Variants in PLA2G5 observed in about 807,000 individuals in gnomAD.
The protein encoded by PLA2G5 is Ca2+-dependent phospholipase A2.
A neutral mutation model predicts 15.9 loss-of-function variants in PLA2G5; 12 were observed. The ratio of observed to expected loss-of-function variants is 0.76; its 90% CI spans 0.48 to 1.23. PLA2G5 has a LOEUF of 1.23. PLA2G5 is among the 50% of genes most tolerant of loss of function. The pLI is 0.00. For missense variants in PLA2G5, 169 were observed against 177.1 expected, an observed-to-expected ratio of 0.95 and a Z score of 0.26; for synonymous variants, 71 against 71.4, an observed-to-expected ratio of 0.99 and a Z score of 0.03.
intron 1 of PLA2G5, among the ~76,000 whole-genome samples, chr1:20,049,999 A>G (rs2014103751): frequency 6.6e-6 from 1 of 152,214 alleles, no homozygotes; most frequent in Non-Finnish European, 1.5e-5. Context: ...TTCTTCCAAC[A>G]TAATATCCTG....
rs667147 is a variant in PLA2G5 at position 20,070,557 on chromosome 1, C to A, written c.-11+92C>A. 2,454 of 778,726 alleles carry A rather than the reference C, an allele frequency of 3.2e-3. 45 individuals carry two copies. The African/African-American group carries it at 0.043, about 14-fold the overall frequency. 48.2% of individuals were successfully genotyped at this position (778,726 alleles called of 1,614,324 possible). A position where few individuals can be genotyped will look rare whatever the true frequency, so the allele number is the denominator to read the frequency against. ...TGGAGAAGGGGGTGTGTGGAGAGCC[C>A]AAGAGGAGGCCCAGGGGGAGGTGCG... On this transcript the variant is annotated intron_variant, in intron 1 of 4. Coordinates refer to ENST00000375108, the MANE Select transcript of PLA2G5 (RefSeq NM_000929.3).
upstream of PLA2G5, among the ~76,000 whole-genome samples, chr1:20,065,501 T>C (rs1320032199): frequency 6.6e-6 from 1 of 152,216 alleles, no homozygotes; most frequent in Non-Finnish European, 1.5e-5. Flanking sequence ...CAGAATGTCA[T>C]ATAGCTGGAG....
rs114045208 is a variant in PLA2G5 at position 20,042,190 on chromosome 1, C to A, written n.276+13481C>A. 5.0e-3 allele frequency among the ~76,000 whole-genome samples: 755 copies of A among 152,194 alleles called. 8 individuals carry two copies. Among genetic ancestry groups the A allele is most frequent in the African/African-American group, 0.017 (709 of 41,508 alleles). Reference sequence around the variant, plus strand: ...CTTGCTGAGAGGTAGTGGATGGGGACAGAATGGTAGCCTCAATGATAGATG... The same window carrying A: ...CTTGCTGAGAGGTAGTGGATGGGGAAAGAATGGTAGCCTCAATGATAGATG... On this transcript the variant is annotated intron_variant and non_coding_transcript_variant, in intron 1 of 6. Transcript: ENST00000460175.
chr1:20,075,428 T>G (rs2015613357), intron 1 of PLA2G5, among the ~76,000 whole-genome samples: 1 of 152,246 alleles, frequency 6.6e-6, no homozygotes, highest in South Asian at 2.1e-4. Context: ...TATTGAGACC[T>G]TACTATGTGC....
chr1:20,044,643 CTT>C lies in PLA2G5; in HGVS notation n.277-14987_277-14986del, dbSNP rs547528781. ...ACTATGCCTTTAGCTCCAGCCACCT[CTT>C]TAAGAGGAAATTGTTGGGCAGGTGG... is the stretch of plus-strand genomic sequence containing the variant. On this transcript the variant is annotated intron_variant and non_coding_transcript_variant, in intron 1 of 6. Coordinates refer to the PLA2G5 transcript ENST00000460175. Among the ~76,000 whole-genome samples, 38 of 152,152 alleles carry C rather than the reference CTT, an allele frequency of 2.5e-4. No homozygotes were observed. In the South Asian group the frequency reaches 6.4e-3, roughly 26 times the overall value.
intron 1 of PLA2G5, among the ~76,000 whole-genome samples, chr1:20,077,687 G>C (rs1305920324): frequency 2.6e-5 from 4 of 152,124 alleles, no homozygotes; most frequent in Non-Finnish European, 5.9e-5. Context: ...AAGTGAGTCT[G>C]GTTCTATGAT....
At chr1:20,080,233 A>T (rs1377598721) in intron 1 of PLA2G5, among the ~76,000 whole-genome samples, 1 of 152,064 alleles carries the variant, frequency 6.6e-6, no homozygotes. Context: ...CCCTGGATCG[A>T]GGGTGGCCCA....
chr1:20,031,327 G>A (rs1171041163), intron 1 of PLA2G5, among the ~76,000 whole-genome samples: 2 of 152,150 alleles, frequency 1.3e-5, no homozygotes, highest in African/African-American at 2.4e-5. Context: ...TGATTTAAGA[G>A]GTAATGTATG....
intron 1 of PLA2G5, among the ~76,000 whole-genome samples, chr1:20,043,214 A>C (rs1220156583): frequency 6.6e-6 from 1 of 152,144 alleles, no homozygotes; most frequent in Non-Finnish European, 1.5e-5. Context: ...TATTGAGGAC[A>C]AAAGAGTGTA....
intron 1 of PLA2G5, among the ~76,000 whole-genome samples, chr1:20,081,510 C>T (rs11573250): frequency 0.013 from 1,961 of 151,966 alleles, 95 homozygotes; most frequent in African/African-American, 0.044. Context: ...CGGGAAGCAT[C>T]GCCCAGGGCC....
intron 1 of PLA2G5, among the ~76,000 whole-genome samples, chr1:20,046,902 T>G (rs1246813668): frequency 2.6e-5 from 4 of 152,190 alleles, no homozygotes; most frequent in African/African-American, 9.6e-5. Context: ...TCTATTTACT[T>G]TTTCTCCCAA....
intron 2 of PLA2G5, among the ~76,000 whole-genome samples, chr1:20,085,172 C>T (rs1395825624): frequency 6.6e-6 from 1 of 152,084 alleles, no homozygotes; most frequent in Non-Finnish European, 1.5e-5. Flanking sequence ...CAGATTTTTT[C>T]CCTGTATGCA....
intron 1 of PLA2G5, among the ~76,000 whole-genome samples, chr1:20,043,826 G>C (rs529444412): frequency 6.6e-6 from 1 of 152,328 alleles, no homozygotes; most frequent in African/African-American, 2.4e-5. Flanking sequence ...AGGTAATGTG[G>C]AGAGGGTAGC....
At position 20,029,252 on chromosome 1, in the gene PLA2G5, T is replaced by C. The variant is rs540188508; in HGVS notation, n.276+543T>C. On this transcript the variant is annotated intron_variant and non_coding_transcript_variant, in intron 1 of 6. Transcript: ENST00000460175. ...TCTCCTCTGACTGCCCCCACCAAAC[T>C]CCATGTAGTTCTGCTGTTTTGGTGG... Among the ~76,000 whole-genome samples the C allele has an allele frequency of 2.2e-4, 34 of 152,212 alleles. No homozygotes were observed. In the South Asian group the frequency reaches 6.4e-3, roughly 29 times the overall value.
intron 3 of PLA2G5, 121 bp from the exon 4 acceptor site, chr1:20,089,668 C>T (rs1333451853): frequency 2.8e-6 from 2 of 704,580 alleles, no homozygotes; most frequent in African/African-American, 3.5e-5. Context: ...ATCCTCCCTG[C>T]CACATCGCGT....
At chr1:20,036,058 G>T (rs1312478361) in intron 1 of PLA2G5, among the ~76,000 whole-genome samples, 1 of 152,182 alleles carries the variant, frequency 6.6e-6, no homozygotes, top group African/African-American at 2.4e-5. Context: ...AGAGACTAAA[G>T]ATACAACCCC....
intron 2 of PLA2G5, among the ~76,000 whole-genome samples, chr1:20,060,711 T>C (rs139969826): frequency 6.6e-6 from 1 of 151,224 alleles, no homozygotes; most frequent in East Asian, 2.0e-4. Context: ...CACTTAGGGC[T>C]ACATAGAGCA....
At chr1:20,045,604 G>C (rs2013862463) in intron 1 of PLA2G5, among the ~76,000 whole-genome samples, 1 of 152,206 alleles carries the variant, frequency 6.6e-6, no homozygotes, top group South Asian at 2.1e-4. Flanking sequence ...GATAGTGACA[G>C]AGGTTGGAGA....
intron 1 of PLA2G5, 120 bp from the exon 2 acceptor site, chr1:20,084,701 A>T: frequency 1.4e-6 from 1 of 738,754 alleles, no homozygotes; most frequent in African/African-American, 1.7e-5. Flanking sequence ...CATCTTGTTT[A>T]TTGCCCACCA....
Sources: allele counts gnomAD v4.1 joint callset (sites outside exome capture counted in the v4.1 genomes callset), GRCh38; gene constraint gnomAD v4.1.1; transcripts MANE v1.5; gene names NCBI Gene and HGNC (gene_info 2026-07-23, HGNC 2026-07-21).